The following MAGI1 variants were observed in gnomAD, a reference collection of about 807,000 sequenced individuals.
MAGI1 encodes membrane associated guanylate kinase, WW and PDZ domain containing 1, also known as membrane-associated guanylate kinase, WW and PDZ domain-containing protein 1.
In MAGI1, 58 loss-of-function variants were observed where a neutral mutation model predicts 139.9. That is an observed-to-expected ratio of 0.41 (90% CI 0.34 to 0.52). The LOEUF (loss-of-function observed/expected upper bound fraction) is 0.52. Among genes scored for constraint, MAGI1 ranks in the 20% least tolerant of loss-of-function variants. The pLI is 0.12. For missense variants in MAGI1, 1,874 were observed against 1,901.6 expected (o/e 0.99, Z 0.27); for synonymous variants, 812 against 737.9 (o/e 1.10, Z -1.63).
At chr3:65,640,814 G>A (rs189694534) in intron 1 of MAGI1, among the ~76,000 whole-genome samples, 3 of 152,212 alleles carry the variant, frequency 2.0e-5, no homozygotes, top group Admixed American at 6.5e-5. Context: ...TCCAACTAAC[G>A]AGTGTTCCTA....
intron 2 of MAGI1, among the ~76,000 whole-genome samples, chr3:65,546,842 C>A (rs939147215): frequency 1.3e-5 from 2 of 151,984 alleles, no homozygotes; most frequent in Non-Finnish European, 2.9e-5. Flanking sequence ...ATTGCTTTGC[C>A]AAGAAAAACA....
At chr3:65,691,109 T>C (rs1347483793) in intron 1 of MAGI1, among the ~76,000 whole-genome samples, 1 of 151,850 alleles carries the variant, frequency 6.6e-6, no homozygotes, top group African/African-American at 2.4e-5. Context: ...GAGACCATCT[T>C]GGCTAACACG....
chr3:65,904,492 C>G (rs140209714), intron 1 of MAGI1, among the ~76,000 whole-genome samples: 1 of 152,188 alleles, frequency 6.6e-6, no homozygotes, highest in Non-Finnish European at 1.5e-5. Context: ...CCCTGCGGCC[C>G]GGCCTCTGCT....
rs201641400 is a variant in MAGI1, at chr3:65,417,881, GT to G, written c.2167+11638del. Among the ~76,000 whole-genome samples the G allele has an allele frequency of 2.4e-4, 36 of 152,300 alleles. No individual in the cohort carries two copies. In the East Asian group the frequency reaches 6.8e-3, roughly 29 times the overall value. ...CATGTCAAATACTGCCCATGGACCA[GT>G]TGGTAACTTTAAATCCTTCCTATAT... On this transcript the variant is annotated intron_variant, in intron 12 of 22. Transcript: ENST00000402939.
intron 2 of MAGI1, among the ~76,000 whole-genome samples, chr3:65,575,955 A>T (rs561579092): frequency 6.6e-6 from 1 of 152,132 alleles, no homozygotes; most frequent in African/African-American, 2.4e-5. Flanking sequence ...TTTTTGGGGG[A>T]GCTAATGTAT....
chr3:65,608,392 G>A (rs148844628), intron 2 of MAGI1, among the ~76,000 whole-genome samples: 5,005 of 151,986 alleles, frequency 0.033, 124 homozygotes, highest in African/African-American at 0.068. Context: ...CCGAGATTGC[G>A]CCATTGCACT....
intron 8 of MAGI1, 43 bp from the exon 9 acceptor site, chr3:65,440,055 C>G (rs1948161575): frequency 6.2e-7 from 1 of 1,608,154 alleles, no homozygotes; most frequent in South Asian, 1.1e-5. Flanking sequence ...AACAGTTCAT[C>G]CCACCAGCAA....
At chr3:65,502,540 T>C (rs2077122527) in intron 2 of MAGI1, among the ~76,000 whole-genome samples, 1 of 152,202 alleles carries the variant, frequency 6.6e-6, no homozygotes, top group South Asian at 2.1e-4. Context: ...GAGGATTGCT[T>C]GAACCCAGTA....
At chr3:65,434,230 A>G (rs997285639) in intron 10 of MAGI1, among the ~76,000 whole-genome samples, 3 of 152,166 alleles carry the variant, frequency 2.0e-5, no homozygotes, top group African/African-American at 7.2e-5. Flanking sequence ...GTATAAATGG[A>G]GGTAATGATG....
At chr3:65,409,508 G>C (rs930414184) in intron 12 of MAGI1, among the ~76,000 whole-genome samples, 3 of 152,140 alleles carry the variant, frequency 2.0e-5, no homozygotes, top group African/African-American at 7.2e-5. Flanking sequence ...CAGTGTACCA[G>C]CATAAACTCA....
chr3:65,433,017 G>A (rs544668741), intron 10 of MAGI1, among the ~76,000 whole-genome samples: 1 of 152,096 alleles, frequency 6.6e-6, no homozygotes, highest in African/African-American at 2.4e-5. Context: ...TTATTGCTTT[G>A]GTTTTCTTAC....
In MAGI1 at chr3:65,776,768, A is replaced by T. The variant is rs2038472734; in HGVS notation, c.314-154680T>A. ...AATCCACAGGCCTCCAGCCTGGAGCAGCTGAAAGACATTTGTGTGATTTGT... is the reference window on the plus strand; with the variant it reads ...AATCCACAGGCCTCCAGCCTGGAGCTGCTGAAAGACATTTGTGTGATTTGT... On this transcript the variant is annotated intron_variant, in intron 1 of 22. Coordinates refer to ENST00000402939, the MANE Select transcript of MAGI1 (RefSeq NM_001033057.2). 2.6e-5 allele frequency among the ~76,000 whole-genome samples: 3 copies of T among 113,538 alleles called. No homozygotes were observed. The South Asian group carries it at 7.1e-4, about 27-fold the overall frequency. The allele number at this position is 113,538 out of a possible 152,430, so 74.5% of individuals were successfully genotyped here. A position where few individuals can be genotyped will look rare whatever the true frequency, so the allele number is the denominator to read the frequency against.
intron 1 of MAGI1, among the ~76,000 whole-genome samples, chr3:65,712,548 C>T (rs769772875): frequency 1.3e-5 from 2 of 151,856 alleles, no homozygotes; most frequent in Admixed American, 6.6e-5. Flanking sequence ...AGTTTCACTC[C>T]GTCACTCAGG....
At chr3:65,804,892 A>T (rs2040750758) in intron 1 of MAGI1, among the ~76,000 whole-genome samples, 1 of 152,234 alleles carries the variant, frequency 6.6e-6, no homozygotes. Flanking sequence ...ATATGCAGAA[A>T]ATTGAAACTG....
At chr3:65,611,498 CAT>C (rs1022755406) in intron 2 of MAGI1, among the ~76,000 whole-genome samples, 16 of 143,802 alleles carry the variant, frequency 1.1e-4, no homozygotes, top group Non-Finnish European at 1.7e-4. Context: ...TATACACACA[CAT>C]ATACTATATA....
intron 2 of MAGI1, among the ~76,000 whole-genome samples, chr3:65,535,985 G>A (rs1576232244): frequency 6.6e-6 from 1 of 152,152 alleles, no homozygotes; most frequent in South Asian, 2.1e-4. Context: ...ACACCATGAG[G>A]GGCACATGGG....
At chr3:65,494,999 G>A (rs1480791240) in intron 2 of MAGI1, among the ~76,000 whole-genome samples, 2 of 152,202 alleles carry the variant, frequency 1.3e-5, no homozygotes, top group African/African-American at 4.8e-5. Context: ...AGGTTAAAAA[G>A]TCTACTCTTA....
chr3:65,828,448 T>C (rs1345715911), intron 1 of MAGI1, among the ~76,000 whole-genome samples: 1 of 152,212 alleles, frequency 6.6e-6, no homozygotes, highest in Non-Finnish European at 1.5e-5. Flanking sequence ...CTCACATCTA[T>C]GTATTCTTTA....
chr3:65,463,974 C>T (rs904621069), intron 5 of MAGI1, among the ~76,000 whole-genome samples: 1 of 152,094 alleles, frequency 6.6e-6, no homozygotes, highest in African/African-American at 2.4e-5. Flanking sequence ...GTGGTGATAT[C>T]CCCTTTATCA....
Sources: allele counts gnomAD v4.1 joint callset (sites outside exome capture counted in the v4.1 genomes callset), GRCh38; gene constraint gnomAD v4.1.1; transcripts MANE v1.5; gene names NCBI Gene and HGNC (gene_info 2026-07-23, HGNC 2026-07-21).